NIM1K: variants seen among roughly 807,000 people sequenced by gnomAD.
NIM1K encodes NIM1 serine/threonine protein kinase.
NIM1K carries 35 observed loss-of-function variants against 37.1 expected under a neutral mutation model. The observed-to-expected ratio is 0.94, with a 90% CI of 0.72 to 1.25. The LOEUF is 1.25. Among genes scored for constraint, NIM1K ranks in the 50% most tolerant of loss-of-function variants. The pLI is 0.00. For missense variants in NIM1K, 564 were observed against 548.0 expected (o/e 1.03, Z -0.29); for synonymous variants, 234 against 206.6 (o/e 1.13, Z -1.14).
chr5:43,279,885 C>A, intron 3 of NIM1K, 95 bp from the exon 4 acceptor site: 1 of 1,002,518 alleles, frequency 1.0e-6, no homozygotes, highest in Non-Finnish European at 1.5e-6. Context: ...TTTGTTATTC[C>A]ACCATCATTA....
chr5:43,215,082 C>G (rs1752280845), intron 1 of NIM1K, among the ~76,000 whole-genome samples: 1 of 152,190 alleles, frequency 6.6e-6, no homozygotes, highest in Non-Finnish European at 1.5e-5. Context: ...AAGCTTTGCT[C>G]ATGAGCTGCC....
intron 2 of NIM1K, among the ~76,000 whole-genome samples, chr5:43,265,414 A>G (rs1195713469): frequency 6.6e-6 from 1 of 152,202 alleles, no homozygotes; most frequent in Non-Finnish European, 1.5e-5. Context: ...CGAATTGGCT[A>G]CTGAAGCTTG....
At chr5:43,235,765 C>CG in intron 1 of NIM1K, among the ~76,000 whole-genome samples, 1 of 152,110 alleles carries the variant, frequency 6.6e-6, no homozygotes, top group Middle Eastern at 3.4e-3. Flanking sequence ...AAGGTACTAA[C>CG]GCAAATATCT....
At chr5:43,213,155 TTC>T (rs1752228199) in intron 1 of NIM1K, among the ~76,000 whole-genome samples, 1 of 31,168 alleles carries the variant, frequency 3.2e-5, no homozygotes. Flanking sequence ...TCCATTTTCT[TTC>T]TTTCTTTTTT....
chr5:43,198,192 T>TTTC (rs1416863965), intron 1 of NIM1K, among the ~76,000 whole-genome samples: 3 of 47,370 alleles, frequency 6.3e-5, no homozygotes, highest in African/African-American at 2.4e-4. Context: ...TCTTTCTTTC[T>TTTC]TTCTTTCTTT....
chr5:43,238,616 A>C (rs1453242946), intron 1 of NIM1K, among the ~76,000 whole-genome samples: 1 of 151,884 alleles, frequency 6.6e-6, no homozygotes, highest in Non-Finnish European at 1.5e-5. Context: ...CATTCTAAGC[A>C]GAATGCACTG....
chr5:43,227,363 GA>G (rs1203205920), intron 1 of NIM1K, among the ~76,000 whole-genome samples: 1 of 151,280 alleles, frequency 6.6e-6, no homozygotes, highest in Admixed American at 6.6e-5. Context: ...CGTTTCAAAA[GA>G]AAAAAATAAT....
chr5:43,234,672 T>C (rs919796461), intron 1 of NIM1K, among the ~76,000 whole-genome samples: 3 of 152,204 alleles, frequency 2.0e-5, no homozygotes, highest in African/African-American at 7.2e-5. Flanking sequence ...TCTTGCTCTG[T>C]TGCCCAGGTT....
chr5:43,220,029 G>A (rs1251603714), intron 1 of NIM1K, among the ~76,000 whole-genome samples: 1 of 152,078 alleles, frequency 6.6e-6, no homozygotes, highest in Non-Finnish European at 1.5e-5. Context: ...CCAGCCAATT[G>A]TGTCCTTTGA....
chr5:43,249,122 T>C (rs1228561200), intron 2 of NIM1K, among the ~76,000 whole-genome samples: 1 of 151,614 alleles, frequency 6.6e-6, no homozygotes, highest in Admixed American at 6.6e-5. Flanking sequence ...CAGGCTGGAG[T>C]GCAGTGGCAA....
chr5:43,214,096 C>T (rs1329586431), intron 1 of NIM1K, among the ~76,000 whole-genome samples: 5 of 151,958 alleles, frequency 3.3e-5, no homozygotes, highest in African/African-American at 1.2e-4. Flanking sequence ...TGAGCCACCA[C>T]ACCCAGCCAA....
rs181068542 is a variant in NIM1K, at chr5:43,278,297, G to A, written c.561+972G>A. On this transcript the variant is annotated intron_variant, in intron 3 of 3. Coordinates refer to ENST00000326035, the MANE Select transcript of NIM1K (RefSeq NM_153361.4). ...TGACCTCAAGCGATCCACCTGCCTC[G>A]GTCTCCCAAAGTAGTGGGATTACAG... 5.3e-3 allele frequency among the ~76,000 whole-genome samples: 812 copies of A among 152,096 alleles called. 11 individuals are homozygous for A. The highest frequency in any genetic ancestry group is 0.019 in the African/African-American group (776 of 41,474).
At chr5:43,217,996 G>A (rs1202762416) in intron 1 of NIM1K, among the ~76,000 whole-genome samples, 1 of 151,796 alleles carries the variant, frequency 6.6e-6, no homozygotes, top group Admixed American at 6.6e-5. Context: ...ACAGGCGTGA[G>A]CCTCCGTGCC....
intron 1 of NIM1K, among the ~76,000 whole-genome samples, chr5:43,233,472 A>C (rs1293079724): frequency 6.6e-6 from 1 of 152,320 alleles, no homozygotes; most frequent in East Asian, 1.9e-4. Context: ...AAAGGTTTCA[A>C]ATCCACTTGA....
At chr5:43,273,128 A>G (rs1401030910) in intron 2 of NIM1K, among the ~76,000 whole-genome samples, 1 of 151,402 alleles carries the variant, frequency 6.6e-6, no homozygotes, top group Non-Finnish European at 1.5e-5. Context: ...GGTTTCTATC[A>G]TCCCCTCCTA....
At chr5:43,264,047 A>G (rs1240898348) in intron 2 of NIM1K, among the ~76,000 whole-genome samples, 1 of 152,110 alleles carries the variant, frequency 6.6e-6, no homozygotes, top group East Asian at 1.9e-4. Context: ...CCAACTATGT[A>G]GTCAATTTTG....
intron 1 of NIM1K, among the ~76,000 whole-genome samples, chr5:43,228,624 A>T (rs1752493863): frequency 6.6e-6 from 1 of 151,662 alleles, no homozygotes; most frequent in African/African-American, 2.4e-5. Context: ...CAGGAATTCA[A>T]GACCAGCCTG....
At chr5:43,249,850 G>GTTTTTTT (rs70994677) in intron 2 of NIM1K, among the ~76,000 whole-genome samples, 2 of 116,182 alleles carry the variant, frequency 1.7e-5, no homozygotes, top group Admixed American at 9.8e-5. Context: ...GTATGGATTA[G>GTTTTTTT]TTTTTTTTTT....
chr5:43,277,625 C>T (rs959601567), intron 3 of NIM1K, among the ~76,000 whole-genome samples: 2 of 152,104 alleles, frequency 1.3e-5, no homozygotes, highest in African/African-American at 2.4e-5. Flanking sequence ...CCTCATCTTC[C>T]ACTATCTGGA....
Sources: allele counts gnomAD v4.1 joint callset (sites outside exome capture counted in the v4.1 genomes callset), GRCh38; gene constraint gnomAD v4.1.1; transcripts MANE v1.5; gene names NCBI Gene and HGNC (gene_info 2026-07-23, HGNC 2026-07-21).